Variants in CACTIN observed in about 807,000 individuals in gnomAD.
CACTIN encodes the protein splicing factor Cactin.
CACTIN carries 20 observed loss-of-function variants against 84.9 expected under a neutral mutation model. The ratio of observed to expected loss-of-function variants is 0.24; its 90% CI spans 0.17 to 0.34. The LOEUF is 0.34. Among genes scored for constraint, CACTIN ranks in the 10% least tolerant of loss-of-function variants. CACTIN has a pLI of 1.00. For synonymous variants in CACTIN, 549 were observed against 467.9 expected (o/e 1.17, Z -2.24); for missense variants, 897 against 1,117.2 (o/e 0.80, Z 2.81).
intron 1 of CACTIN, among the ~76,000 whole-genome samples, chr19:3,625,645 C>G (rs2033317915): frequency 6.6e-6 from 1 of 152,224 alleles, no homozygotes; most frequent in South Asian, 2.1e-4. Context: ...GCTGAAGAAT[C>G]GCTTGAACCC....
intron 1 of CACTIN, among the ~76,000 whole-genome samples, chr19:3,625,522 G>C (rs927903592): frequency 2.0e-5 from 3 of 152,190 alleles, no homozygotes; most frequent in Non-Finnish European, 4.4e-5. Context: ...TTGAGGCCAG[G>C]AGTTCAAGAC....
chr19:3,613,608 A>ACC (rs1237809588), intron 7 of CACTIN, 22 bp from the exon 8 acceptor site: 5 of 1,589,526 alleles, frequency 3.1e-6, no homozygotes, highest in Middle Eastern at 1.9e-4. Context: ...AGCCGGGGTC[A>ACC]CCCGCATGGA....
intron 6 of CACTIN, chr19:3,616,301 C>T (rs920076767): frequency 9.9e-5 from 15 of 152,262 alleles, no homozygotes; most frequent in African/African-American, 3.6e-4. Context: ...TCTCACAAGT[C>T]ACCACTAAAG....
intron 4 of CACTIN, 148 bp downstream of exon 4, chr19:3,619,979 C>A: frequency 3.2e-6 from 3 of 948,274 alleles, no homozygotes; most frequent in South Asian, 1.6e-5. Context: ...AGAAGCCTTG[C>A]CGCCCGGGAA....
At chr19:3,621,299 C>G (rs573229268) in intron 2 of CACTIN, among the ~76,000 whole-genome samples, 1 of 152,234 alleles carries the variant, frequency 6.6e-6, no homozygotes, top group Non-Finnish European at 1.5e-5. Context: ...TGGGGCCCCG[C>G]CCACACAGCG....
At chr19:3,618,515 G>A (rs1052854486) in intron 6 of CACTIN, among the ~76,000 whole-genome samples, 3 of 152,254 alleles carry the variant, frequency 2.0e-5, no homozygotes, top group South Asian at 2.1e-4. Flanking sequence ...TGGGCTGCAC[G>A]GCCTTCAGGC....
chr19:3,617,085 C>T (rs1403638213), intron 6 of CACTIN, among the ~76,000 whole-genome samples: 2 of 151,744 alleles, frequency 1.3e-5, no homozygotes, highest in Non-Finnish European at 2.9e-5. Context: ...CGCACCACTG[C>T]ACTCCAGCCT....
chr19:3,614,901 T>C (rs1166456099), intron 6 of CACTIN: 5 of 440,470 alleles, frequency 1.1e-5, no homozygotes, highest in Non-Finnish European at 2.1e-5. Context: ...GTGAGTCTGA[T>C]ATGTGGGTCT....
In CACTIN at chr19:3,612,418, G is replaced by A. The variant is rs770600745; in HGVS notation, c.1787-5C>T. The A allele has an allele frequency of 2.8e-5, 44 of 1,579,884 alleles. No individual in the cohort carries two copies. Among genetic ancestry groups the A allele is most frequent in the Non-Finnish European group, 3.7e-5 (43 of 1,168,022 alleles). On this transcript the variant is annotated splice_region_variant and splice_polypyrimidine_tract_variant and intron_variant, in intron 9 of 9. Transcript: ENST00000429344. ...CGGCGCTCTCGCTGGCGTCTCCTGC[G>A]GGCGGGACGGCGTTCACCCGGGCCT...
Position 3,612,075 on chromosome 19 carries a change from G to A in CACTIN, c.2125C>T (p.Arg709Cys), listed in dbSNP as rs1011949575. 6 of 1,613,764 alleles carry A rather than the reference G, an allele frequency of 3.7e-6. No individual in the cohort carries two copies. The highest frequency in any genetic ancestry group is 1.1e-5 in the South Asian group (1 of 91,092). ...TCGTAGGGCGGCCCCGCGTGGAAGC[G>A]CAGGATGGCGAAATCCTTGTTGTCG... is the stretch of plus-strand genomic sequence containing the variant. The part of the protein sequence containing the change: ...CADNKDFAIL[R>C]FHAGPPYEDI... Residue 709 changes from arginine to cysteine, a missense_variant, in exon 10 of 10, where the codon CGC (arginine) becomes TGC (cysteine). Coordinates refer to ENST00000429344, the MANE Select transcript of CACTIN (RefSeq NM_001080543.2).
In CACTIN at chr19:3,618,891, G is replaced by A; in HGVS notation, c.1146C>T (p.Ala382=). The A allele has an allele frequency of 6.4e-7, 1 of 1,553,702 alleles. No individual in the cohort carries two copies. ...CGCCGTTACCTGGCCCCTTGCCCGA[G>A]GCCTCCAGCTTGCGGAGCTTGGAGA... The part of the protein sequence containing the change: ...DEISKLRKLE[A]SGKGPGERRE... The change falls in exon 6 of 10, where the codon GCC becomes GCT. Residue 382 remains alanine (A), a synonymous_variant. Coordinates refer to ENST00000429344, the MANE Select transcript of CACTIN (RefSeq NM_001080543.2).
At chr19:3,621,703 T>C (rs1335805019) in intron 2 of CACTIN, among the ~76,000 whole-genome samples, 1 of 151,890 alleles carries the variant, frequency 6.6e-6, no homozygotes, top group African/African-American at 2.4e-5. Context: ...AGTGTGTGCC[T>C]CAATAAAGAA....
In CACTIN at chr19:3,619,216, C is replaced by T. The variant is rs2033170726; in HGVS notation, c.911G>A (p.Arg304Gln). 2 of 1,613,464 alleles carry T rather than the reference C, an allele frequency of 1.2e-6. No individual in the cohort carries two copies. Among genetic ancestry groups the T allele is most frequent in the Non-Finnish European group, 1.7e-6 (2 of 1,179,776 alleles). The stretch of plus-strand genomic sequence containing the variant: ...GGCCAGCAGGTCGATGGGCTTGGCC[C>T]GCCCGTCCCGGATGCGGATCTTGGA... ...LRSKIRIRDGRAKPIDLLAKY... is the reference protein window; with the variant it reads ...LRSKIRIRDGQAKPIDLLAKY... The change falls in exon 5 of 10, where the codon CGG (arginine) becomes CAG (glutamine). Residue 304 changes from arginine (R) to glutamine (Q), a missense_variant. Around this residue, in one of 8 missense-constraint regions of CACTIN, gnomAD observed 304 missense variants for 444.3 expected, o/e 0.68. Coordinates refer to ENST00000429344, the MANE Select transcript of CACTIN (RefSeq NM_001080543.2).
At chr19:3,620,096 G>A in intron 4 of CACTIN, 31 bp downstream of exon 4, 4 of 1,605,452 alleles carry the variant, frequency 2.5e-6, no homozygotes, top group Non-Finnish European at 2.5e-6. Flanking sequence ...CTCCAAGTCT[G>A]GGTCGGAGGG....
chr19:3,614,872 T>C (rs2033070291), intron 6 of CACTIN: 1 of 503,034 alleles, frequency 2.0e-6, no homozygotes, highest in African/African-American at 1.9e-5. Flanking sequence ...GGACTGGCCC[T>C]GAGAATGCCC....
At chr19:3,620,026 G>C in intron 4 of CACTIN, 101 bp downstream of exon 4, 2 of 1,406,700 alleles carry the variant, frequency 1.4e-6, no homozygotes, top group Non-Finnish European at 1.9e-6. Context: ...AGTGCCGTGT[G>C]GGACCCTGAA....
intron 6 of CACTIN, among the ~76,000 whole-genome samples, chr19:3,616,951 G>A (rs918827143): frequency 4.6e-5 from 7 of 151,636 alleles, no homozygotes; most frequent in African/African-American, 1.7e-4. Context: ...GTGAAACCCT[G>A]TCTCCTTAAA....
intron 1 of CACTIN, among the ~76,000 whole-genome samples, chr19:3,625,147 C>T (rs2033307162): frequency 6.6e-6 from 1 of 152,200 alleles, no homozygotes; most frequent in African/African-American, 2.4e-5. Flanking sequence ...CTGTCTCAGC[C>T]TCCCAAAGTG....
chr19:3,614,018 G>A, intron 7 of CACTIN: 1 of 454,006 alleles, frequency 2.2e-6, no homozygotes, highest in Non-Finnish European at 4.1e-6. Flanking sequence ...GCAGCGCTGG[G>A]AGGGCGCAGG....
Sources: allele counts gnomAD v4.1 joint callset (sites outside exome capture counted in the v4.1 genomes callset), GRCh38; gene constraint gnomAD v4.1.1; regional missense constraint gnomAD v4.1.1; transcripts MANE v1.5; gene names NCBI Gene and HGNC (gene_info 2026-07-23, HGNC 2026-07-21).